CSMD1: variants seen among roughly 807,000 people sequenced by gnomAD.
The protein encoded by CSMD1 is CUB and Sushi multiple domains 1.
Under a neutral mutation model 417.5 loss-of-function variants are expected in CSMD1, and 213 were observed. That is an observed-to-expected ratio of 0.51 (90% confidence interval 0.46 to 0.57). The LOEUF (loss-of-function observed/expected upper bound fraction) is 0.57. Ranked by LOEUF, CSMD1 falls within the 20% of genes least tolerant of loss-of-function variation. The probability of loss-of-function intolerance (pLI) is 0.00; values close to 1 mark genes in which losing one functional copy is unlikely to be tolerated. For synonymous variants in CSMD1, 2,862 were observed against 1,736.8 expected, an observed-to-expected ratio of 1.65 and a Z score of -16.11; for missense variants, 6,923 against 4,529.7, an observed-to-expected ratio of 1.53 and a Z score of -15.17.
At chr8:4,914,705 T>C (rs1563752706) in intron 1 of CSMD1, among the ~76,000 whole-genome samples, 1 of 152,106 alleles carries the variant, frequency 6.6e-6, no homozygotes, top group South Asian at 2.1e-4. Context: ...AAAAGGAAAT[T>C]AGTAATAAAC....
Position 3,258,963 on chromosome 8 carries a change from G to A in CSMD1, c.4153+25181C>T, listed in dbSNP as rs185919683. 1.7e-3 allele frequency among the ~76,000 whole-genome samples: 257 copies of A among 152,350 alleles called. 1 individual carries two copies. Among genetic ancestry groups the A allele is most frequent in the Non-Finnish European group, 2.8e-3 (188 of 68,042 alleles). On this transcript the variant is annotated intron_variant, in intron 26 of 69. Coordinates refer to ENST00000635120, the MANE Select transcript of CSMD1 (RefSeq NM_033225.6). ...CCGGATGGTGGAAAGTGAGAAAAGG[G>A]AGAGGATCAGGAAAAATAACTAATG...
At chr8:3,849,981 A>T (rs970062045) in intron 5 of CSMD1, among the ~76,000 whole-genome samples, 2 of 144,818 alleles carry the variant, frequency 1.4e-5, no homozygotes, top group African/African-American at 5.4e-5. Flanking sequence ...ATGCTCGGCT[A>T]ATTTGTGTAT....
At chr8:3,607,209 G>C (rs142214841) in intron 8 of CSMD1, among the ~76,000 whole-genome samples, 1 of 152,192 alleles carries the variant, frequency 6.6e-6, no homozygotes, top group African/African-American at 2.4e-5. Context: ...CCTGCACGAC[G>C]TCAGGATCAT....
At chr8:4,801,218 T>C (rs9644375) in intron 1 of CSMD1, among the ~76,000 whole-genome samples, 10,918 of 152,282 alleles carry the variant, frequency 0.072, 667 homozygotes, top group East Asian at 0.23. Flanking sequence ...AGCTAAATCT[T>C]ATTGCGGCCA....
At chr8:4,221,237 G>A (rs556022177) in intron 3 of CSMD1, among the ~76,000 whole-genome samples, 34 of 152,198 alleles carry the variant, frequency 2.2e-4, no homozygotes, top group Admixed American at 1.3e-4. Flanking sequence ...TATATAAAAT[G>A]AAATGTATGA....
At chr8:3,516,681 AT>A (rs1223938523) in intron 10 of CSMD1, among the ~76,000 whole-genome samples, 2 of 152,028 alleles carry the variant, frequency 1.3e-5, no homozygotes, top group Non-Finnish European at 2.9e-5. Context: ...TACAGGTGGT[AT>A]TTGGTTACAT....
intron 5 of CSMD1, among the ~76,000 whole-genome samples, chr8:3,931,353 C>T (rs534909026): frequency 6.6e-6 from 1 of 150,556 alleles, no homozygotes; most frequent in African/African-American, 2.5e-5. Context: ...CTCTCTCTCC[C>T]TCCCTCATTT....
intron 23 of CSMD1, among the ~76,000 whole-genome samples, chr8:3,329,054 G>T (rs7842897): frequency 6.6e-6 from 1 of 152,124 alleles, no homozygotes; most frequent in African/African-American, 2.4e-5. Flanking sequence ...GGCTGCTGTT[G>T]GCATGGAATG....
chr8:3,738,778 C>T (rs1354753084), intron 6 of CSMD1, among the ~76,000 whole-genome samples: 1 of 152,214 alleles, frequency 6.6e-6, no homozygotes, highest in East Asian at 1.9e-4. Context: ...CAACCTCCGT[C>T]AACTGGGTGC....
intron 3 of CSMD1, among the ~76,000 whole-genome samples, chr8:4,130,127 G>A (rs531899488): frequency 6.6e-6 from 1 of 152,198 alleles, no homozygotes; most frequent in South Asian, 2.1e-4. Context: ...GTCACTGTCA[G>A]TAAATCAAGC....
At chr8:4,453,814 CTTT>C (rs60422486) in intron 2 of CSMD1, among the ~76,000 whole-genome samples, 25 of 67,744 alleles carry the variant, frequency 3.7e-4, no homozygotes, top group African/African-American at 1.1e-3. Flanking sequence ...CAATTCGTTT[CTTT>C]TTTTTTTTTT....
intron 3 of CSMD1, among the ~76,000 whole-genome samples, chr8:4,246,519 G>A (rs547238866): frequency 2.0e-5 from 3 of 152,210 alleles, no homozygotes; most frequent in African/African-American, 7.2e-5. Context: ...AGACCCTTGT[G>A]AAAATTACTT....
At chr8:4,435,436 G>C (rs528027634) in intron 2 of CSMD1, among the ~76,000 whole-genome samples, 1 of 152,176 alleles carries the variant, frequency 6.6e-6, no homozygotes, top group Non-Finnish European at 1.5e-5. Context: ...AGTTTGTCTA[G>C]TTTTGTTAAA....
At chr8:3,772,700 T>TACAC (rs1294304401) in intron 5 of CSMD1, among the ~76,000 whole-genome samples, 2 of 148,458 alleles carry the variant, frequency 1.3e-5, no homozygotes, top group African/African-American at 2.5e-5. Context: ...TACAAATATA[T>TACAC]ACACACACAC....
chr8:3,303,027 T>C lies in CSMD1; in HGVS notation c.3950+4668A>G, dbSNP rs138971630. ...CAGCCATAGGCATAGGGAAAAACTG[T>C]AGACTTCTATAACTCTTTTACTTCA... On this transcript the variant is annotated intron_variant, in intron 25 of 69. Coordinates refer to ENST00000635120, the MANE Select transcript of CSMD1 (RefSeq NM_033225.6). Among the ~76,000 whole-genome samples, 228 of 152,342 alleles carry C rather than the reference T, an allele frequency of 1.5e-3. 2 individuals carry two copies. Among genetic ancestry groups the C allele is most frequent in the African/African-American group, 5.2e-3 (217 of 41,586 alleles).
At chr8:4,602,042 A>C (rs1307667735) in intron 2 of CSMD1, among the ~76,000 whole-genome samples, 1 of 152,232 alleles carries the variant, frequency 6.6e-6, no homozygotes, top group Non-Finnish European at 1.5e-5. Flanking sequence ...TTCCCCAAGA[A>C]GAATGAATAT....
At chr8:4,411,428 A>G (rs1796644657) in intron 3 of CSMD1, among the ~76,000 whole-genome samples, 1 of 152,152 alleles carries the variant, frequency 6.6e-6, no homozygotes. Flanking sequence ...AATACACAGC[A>G]AAGGACTTTT....
chr8:3,015,597 T>A (rs1808764089), intron 52 of CSMD1, among the ~76,000 whole-genome samples: 1 of 152,058 alleles, frequency 6.6e-6, no homozygotes, highest in Non-Finnish European at 1.5e-5. Context: ...CATGGCGTCT[T>A]GTGAAATTAT....
intron 4 of CSMD1, among the ~76,000 whole-genome samples, chr8:4,000,127 T>A (rs1283153609): frequency 2.0e-5 from 3 of 152,182 alleles, no homozygotes; most frequent in Non-Finnish European, 4.4e-5. Flanking sequence ...GGCACCACTG[T>A]GCAAGCACAC....
Sources: gnomAD v4.1 joint callset for allele counts (sites outside exome capture counted in the v4.1 genomes callset) on GRCh38, gnomAD v4.1.1 for gene constraint, MANE v1.5 for transcripts, NCBI Gene and HGNC (gene_info 2026-07-23, HGNC 2026-07-21) for gene names.